HERC5: variants seen among roughly 807,000 people sequenced by gnomAD.
HERC5 encodes the protein HECT and RLD domain containing E3 ubiquitin protein ligase 5.
Under a neutral mutation model 119.6 loss-of-function variants are expected in HERC5, and 99 were observed. The observed-to-expected ratio is 0.83, with a 90% CI of 0.70 to 0.98. The LOEUF (loss-of-function observed/expected upper bound fraction) is 0.98, where lower values mean the gene tolerates loss of function less well. Among genes scored for constraint, HERC5 ranks in the 50% least tolerant of loss-of-function variants. HERC5 has a pLI of 0.00. For synonymous variants in HERC5, 478 were observed against 445.9 expected, an observed-to-expected ratio of 1.07 and a Z score of -0.91; for missense variants, 1,267 against 1,241.3, an observed-to-expected ratio of 1.02 and a Z score of -0.31.
In HERC5 at chr4:88,493,099, G is replaced by A. The variant is rs146794302; in HGVS notation, c.2221G>A (p.Glu741Lys). ...YCLFAEMIQP[E>K]YGMFMYPEGA... ...TCTGTTTGCAGAGATGATCCAGCCG[G>A]AATATGGGATGTTCATGTATCCTGA... is the stretch of plus-strand genomic sequence containing the variant. Residue 741 changes from glutamate (E) to lysine (K), a missense_variant, in exon 17 of 23, where the codon GAA (glutamate) becomes AAA (lysine). Coordinates refer to ENST00000264350, the MANE Select transcript of HERC5 (RefSeq NM_016323.4). The A allele has an allele frequency of 5.3e-5, 86 of 1,613,980 alleles. No homozygotes were observed. The highest frequency in any genetic ancestry group is 6.9e-5 in the Non-Finnish European group (82 of 1,180,004).
chr4:88,489,069 C>G (rs912730337), intron 15 of HERC5, 97 bp from the exon 16 acceptor site: 2 of 937,880 alleles, frequency 2.1e-6, no homozygotes, highest in East Asian at 4.9e-5. Context: ...GTGACCTGCA[C>G]TTATAAGCAG....
chr4:88,459,225 G>T, intron 1 of HERC5, 122 bp from the exon 2 acceptor site: 1 of 745,928 alleles, frequency 1.3e-6, no homozygotes, highest in Non-Finnish European at 2.0e-6. Flanking sequence ...GAAGTTCATG[G>T]TAAGTCAAAG....
Position 88,462,194 on chromosome 4 carries a change from T to C in HERC5, c.526T>C (p.Phe176Leu), listed in dbSNP as rs1421002765. 2 of 1,614,136 alleles carry C rather than the reference T, an allele frequency of 1.2e-6. No homozygotes were observed. The highest frequency in any genetic ancestry group is 3.3e-5 in the Admixed American group (2 of 60,012). ...LHGQLGVGRK[F>L]PSTTTPQIVE... ...TGGGCAGCTTGGAGTTGGAAGGAAATTTCCCTCAACCACCACACCACAGAT... is the reference window on the plus strand; with the variant it reads ...TGGGCAGCTTGGAGTTGGAAGGAAACTTCCCTCAACCACCACACCACAGAT... The change falls in exon 4 of 23, where the codon TTT (phenylalanine) becomes CTT (leucine). Residue 176 changes from phenylalanine to leucine, a missense_variant. Transcript: ENST00000264350.
At chr4:88,491,065 A>T (rs1160195425) in intron 16 of HERC5, among the ~76,000 whole-genome samples, 2 of 152,106 alleles carry the variant, frequency 1.3e-5, no homozygotes, top group Admixed American at 1.3e-4. Context: ...GGCATTTTAC[A>T]TGTATGACCC....
intron 1 of HERC5, 36 bp from the exon 2 acceptor site, chr4:88,459,311 A>G: frequency 6.6e-7 from 1 of 1,512,224 alleles, no homozygotes; most frequent in South Asian, 1.4e-5. Flanking sequence ...GTAATAATCA[A>G]AGTGACAATA....
chr4:88,471,845 T>TCTTC (rs951737668), intron 10 of HERC5, among the ~76,000 whole-genome samples: 6 of 151,952 alleles, frequency 3.9e-5, no homozygotes, highest in Admixed American at 6.6e-5. Flanking sequence ...CTTTTTTCTG[T>TCTTC]CTTCCTTCCT....
At chr4:88,478,531 A>C (rs1274201086) in intron 12 of HERC5, among the ~76,000 whole-genome samples, 1 of 152,170 alleles carries the variant, frequency 6.6e-6, no homozygotes, top group Non-Finnish European at 1.5e-5. Flanking sequence ...ATAAGACAAC[A>C]GGAGGACTGT....
intron 11 of HERC5, chr4:88,473,962 C>T (rs1740962907): frequency 6.6e-6 from 1 of 152,200 alleles, no homozygotes; most frequent in South Asian, 2.1e-4. Context: ...GATTAGAAGA[C>T]CTGTAATGTT....
chr4:88,457,553 T>G lies in HERC5; in HGVS notation c.265+19T>G. 8.1e-7 allele frequency: 1 copy of G among 1,238,864 alleles called. No individual in the cohort carries two copies. Among genetic ancestry groups the G allele is most frequent in the Non-Finnish European group, 1.0e-6 (1 of 989,166 alleles). 76.7% of individuals were successfully genotyped at this position (1,238,864 alleles called of 1,614,324 possible). On this transcript the variant is annotated intron_variant, in intron 1 of 22. Transcript: ENST00000264350. ...ACGCCGAGTGAGTGGGGCTGGTGTG[T>G]GAGGGCTGTGAGGGCTGTGAGGGGT...
chr4:88,469,477 A>C (rs564191372), intron 9 of HERC5, among the ~76,000 whole-genome samples: 1 of 152,168 alleles, frequency 6.6e-6, no homozygotes, highest in Admixed American at 6.5e-5. Context: ...ATTTTAAGGA[A>C]TTGGCTTATG....
intron 20 of HERC5, among the ~76,000 whole-genome samples, chr4:88,502,654 C>T (rs367560354): frequency 2.6e-5 from 4 of 152,104 alleles, no homozygotes; most frequent in Admixed American, 1.3e-4. Flanking sequence ...CAGTAGGGTA[C>T]GACAGTTCTA....
In HERC5 at chr4:88,469,052, C is replaced by T; in HGVS notation, c.1135-105C>T. 4 of 658,862 alleles carry T rather than the reference C, an allele frequency of 6.1e-6. 1 individual carries two copies. Among genetic ancestry groups the T allele is most frequent in the Non-Finnish European group, 5.4e-6 (2 of 373,822 alleles). The allele number at this position is 658,862 out of a possible 1,614,324, so 40.8% of individuals were successfully genotyped here. A position where few individuals can be genotyped will look rare whatever the true frequency, so the allele number is the denominator to read the frequency against. On this transcript the variant is annotated intron_variant, in intron 8 of 22. Transcript: ENST00000264350. ...TTGTGATTGTCCCAGGGCTGTATTA[C>T]ACATATTTAAAAGTCAGTTTTACTC...
At position 88,506,033 on chromosome 4, in the gene HERC5, T is replaced by C; in HGVS notation, c.*155T>C. 4.7e-6 allele frequency: 3 copies of C among 642,884 alleles called. No homozygotes were observed. Among genetic ancestry groups the C allele is most frequent in the Non-Finnish European group, 8.1e-6 (3 of 369,622 alleles). The allele number at this position is 642,884 out of a possible 1,614,324, so 39.8% of individuals were successfully genotyped here. A position where few individuals can be genotyped will look rare whatever the true frequency, so the allele number is the denominator to read the frequency against. The stretch of plus-strand genomic sequence containing the variant: ...TCTAGTGATAAGCAGGAAAGAGGGA[T>C]GAAGAAGAGGGTTTACTGGCCGGTT... On this transcript the variant is annotated 3_prime_UTR_variant, in exon 23 of 23. Transcript: ENST00000264350.
chr4:88,457,383 CGCCGCGG>C lies in HERC5; in HGVS notation c.118_124del (p.Ala40SerfsTer11). On this transcript the variant is annotated frameshift_variant, in exon 1 of 23. Coordinates refer to ENST00000264350, the MANE Select transcript of HERC5 (RefSeq NM_016323.4). LOFTEE classifies it high-confidence loss of function. ...GCGCACAGCTCTGGCTCTTTCCCAG[CGCCGCGG>C]GCCTCCACCGCGCGCTGCTCCGGAG... The C allele has an allele frequency of 7.1e-7, 1 of 1,410,204 alleles. No individual in the cohort carries two copies. Among genetic ancestry groups the C allele is most frequent in the Non-Finnish European group, 9.2e-7 (1 of 1,082,728 alleles). 87.4% of individuals were successfully genotyped at this position (1,410,204 alleles called of 1,614,324 possible). A position where few individuals can be genotyped will look rare whatever the true frequency, so the allele number is the denominator to read the frequency against.
chr4:88,464,644 A>G (rs1156871250), intron 6 of HERC5, among the ~76,000 whole-genome samples: 1 of 151,418 alleles, frequency 6.6e-6, no homozygotes, highest in Admixed American at 6.6e-5. Context: ...GCTGGAGTGC[A>G]GTGACGCAAT....
At chr4:88,461,857 C>A (rs1001227371) in intron 3 of HERC5, among the ~76,000 whole-genome samples, 2 of 151,862 alleles carry the variant, frequency 1.3e-5, no homozygotes, top group East Asian at 1.9e-4. Context: ...GTAAATATTT[C>A]TTGAATTTGA....
In HERC5 at chr4:88,462,133, A is replaced by T; in HGVS notation, c.467-2A>T. ...AACAGCATTTGCTTTGTTTATGTCA[A>T]GGTGGTGAGCTTTTTGCCTGGGGAC... On this transcript the variant is annotated splice_acceptor_variant, in intron 3 of 22. Coordinates refer to ENST00000264350, the MANE Select transcript of HERC5 (RefSeq NM_016323.4). LOFTEE classifies it high-confidence loss of function. 6.2e-7 allele frequency: 1 copy of T among 1,613,102 alleles called. No individual in the cohort carries two copies. Among genetic ancestry groups the T allele is most frequent in the Non-Finnish European group, 8.5e-7 (1 of 1,179,536 alleles).
rs368712793 is a variant in HERC5, at chr4:88,462,142, G to C, written c.474G>C (p.Glu158Asp). Residue 158 changes from glutamate (E) to aspartate (D), a missense_variant, in exon 4 of 23, where the codon GAG (glutamate) becomes GAC (aspartate). Glu to Asp is a conservative substitution (Grantham distance 45). Coordinates refer to ENST00000264350, the MANE Select transcript of HERC5 (RefSeq NM_016323.4). ...TGCTTTGTTTATGTCAAGGTGGTGA[G>C]CTTTTTGCCTGGGGACAGAACCTGC... ...YHSLALSKGG[E>D]LFAWGQNLHG... 1 of 1,613,606 alleles carries C rather than the reference G, an allele frequency of 6.2e-7. No homozygotes were observed.
At position 88,499,843 on chromosome 4, in the gene HERC5, T is replaced by C; in HGVS notation, c.2445-83T>C. 11 of 937,162 alleles carry C rather than the reference T, an allele frequency of 1.2e-5. 1 individual carries two copies. In the South Asian group the frequency reaches 1.5e-4, roughly 13 times the overall value. The allele number at this position is 937,162 out of a possible 1,614,324, so 58.1% of individuals were successfully genotyped here. A position where few individuals can be genotyped will look rare whatever the true frequency, so the allele number is the denominator to read the frequency against. On this transcript the variant is annotated intron_variant, in intron 18 of 22. Transcript: ENST00000264350. ...CCTGACCTCATACCTTCAGAATAGC[T>C]ATACACTTGACATTTATTTTAGATG...
Sources: allele counts gnomAD v4.1 joint callset (sites outside exome capture counted in the v4.1 genomes callset), GRCh38; gene constraint gnomAD v4.1.1; transcripts MANE v1.5; gene names NCBI Gene and HGNC (gene_info 2026-07-23, HGNC 2026-07-21).